Variants in HDAC9 observed in about 807,000 individuals in gnomAD.
HDAC9 encodes the protein MEF-2 interacting transcription repressor (MITR) protein.
HDAC9 carries 41 observed loss-of-function variants against 139.4 expected under a neutral mutation model. The observed-to-expected ratio is 0.29, with a 90% confidence interval of 0.23 to 0.38. HDAC9 has a LOEUF of 0.38. HDAC9 is among the 10% of genes least tolerant of loss of function. The pLI is 1.00. For synonymous variants in HDAC9, 517 were observed against 476.2 expected, an observed-to-expected ratio of 1.09 and a Z score of -1.12; for missense variants, 1,147 against 1,297.0, an observed-to-expected ratio of 0.88 and a Z score of 1.78.
At chr7:18,543,951 T>A (rs1341074793) in intron 2 of HDAC9, among the ~76,000 whole-genome samples, 1 of 151,748 alleles carries the variant, frequency 6.6e-6, no homozygotes, top group Non-Finnish European at 1.5e-5. Context: ...GCAAGAAATG[T>A]GACCAGGAAG....
intron 6 of HDAC9, among the ~76,000 whole-genome samples, chr7:18,622,772 T>C (rs1422881894): frequency 6.6e-6 from 1 of 152,186 alleles, no homozygotes; most frequent in East Asian, 1.9e-4. Flanking sequence ...ATGAAGAACT[T>C]CTACATACCA....
chr7:18,459,944 CTTTT>C (rs773866817), intron 1 of HDAC9, among the ~76,000 whole-genome samples: 1 of 129,354 alleles, frequency 7.7e-6, no homozygotes, highest in Non-Finnish European at 1.7e-5. Flanking sequence ...TACAGATTTG[CTTTT>C]TTTTTTTTTT....
intron 1 of HDAC9, among the ~76,000 whole-genome samples, chr7:18,314,122 G>T (rs2128628173): frequency 6.6e-6 from 1 of 152,272 alleles, no homozygotes; most frequent in African/African-American, 2.4e-5. Flanking sequence ...GCCAAAGTAT[G>T]TTGGACAGTT....
intron 12 of HDAC9, among the ~76,000 whole-genome samples, chr7:18,697,228 A>G (rs1783119080): frequency 6.6e-6 from 1 of 152,218 alleles, no homozygotes; most frequent in South Asian, 2.1e-4. Context: ...TGAGATGCTC[A>G]TCATGACGAG....
intron 2 of HDAC9, among the ~76,000 whole-genome samples, chr7:18,178,192 C>A (rs1347050533): frequency 2.0e-5 from 3 of 152,070 alleles, no homozygotes; most frequent in African/African-American, 7.2e-5. Context: ...CAAGCAATTC[C>A]CTTGCCTCAG....
rs538810914 is a variant in HDAC9 at position 18,999,224 on chromosome 7, A to T, written c.*3162A>T. 1.3e-5 allele frequency: 2 copies of T among 152,294 alleles called. No individual in the cohort carries two copies. The highest frequency in any genetic ancestry group is 6.5e-5 in the Admixed American group (1 of 15,300). 9.4% of individuals were successfully genotyped at this position (152,294 alleles called of 1,614,324 possible). On this transcript the variant is annotated 3_prime_UTR_variant, in exon 26 of 26. Transcript: ENST00000686413. ...TACTCCAGCCCTATACGACACTCTC[A>T]CTAACCTTTCACTGACAACATCATG...
chr7:18,780,360 G>T (rs959645076), intron 16 of HDAC9, among the ~76,000 whole-genome samples: 15 of 152,016 alleles, frequency 9.9e-5, no homozygotes, highest in Non-Finnish European at 1.9e-4. Flanking sequence ...GCTCCCATTA[G>T]CTTGTCACTG....
At chr7:18,565,376 G>C (rs113255127) in intron 2 of HDAC9, among the ~76,000 whole-genome samples, 11 of 152,262 alleles carry the variant, frequency 7.2e-5, no homozygotes, top group African/African-American at 1.9e-4. Flanking sequence ...ATTTTTCAAA[G>C]GGTAGAGAAT....
intron 2 of HDAC9, among the ~76,000 whole-genome samples, chr7:18,174,758 G>A (rs1028016833): frequency 3.9e-5 from 6 of 152,178 alleles, no homozygotes; most frequent in African/African-American, 1.4e-4. Context: ...TCCAGACGCC[G>A]TTTGCCTGGG....
intron 1 of HDAC9, among the ~76,000 whole-genome samples, chr7:18,453,996 T>C (rs1217888487): frequency 2.0e-5 from 3 of 152,140 alleles, no homozygotes; most frequent in Non-Finnish European, 4.4e-5. Context: ...CGGAATTAGA[T>C]TATGCACTGA....
chr7:18,448,760 G>A (rs913700504), intron 1 of HDAC9, among the ~76,000 whole-genome samples: 8 of 152,024 alleles, frequency 5.3e-5, no homozygotes, highest in Admixed American at 4.6e-4. Context: ...TTTTGGAAAG[G>A]ATTCAGGATT....
chr7:18,547,854 T>TCCCTCCCTC (rs1563229923), intron 2 of HDAC9, among the ~76,000 whole-genome samples: 1 of 129,360 alleles, frequency 7.7e-6, no homozygotes, highest in African/African-American at 3.2e-5. Context: ...CTTCCTTCCT[T>TCCCTCCCTC]CCTACCCTCC....
chr7:18,715,916 C>G (rs888924586), intron 12 of HDAC9, among the ~76,000 whole-genome samples: 12 of 152,222 alleles, frequency 7.9e-5, no homozygotes, highest in Admixed American at 3.9e-4. Flanking sequence ...AGTTTTATAT[C>G]CACTAGAATT....
At chr7:18,550,979 C>G (rs951598454) in intron 2 of HDAC9, among the ~76,000 whole-genome samples, 15 of 152,196 alleles carry the variant, frequency 9.9e-5, no homozygotes, top group African/African-American at 3.6e-4. Flanking sequence ...ATTCTATACT[C>G]TTAGCTGTGA....
chr7:18,657,956 C>G (rs1205122685), intron 11 of HDAC9, among the ~76,000 whole-genome samples: 1 of 152,090 alleles, frequency 6.6e-6, no homozygotes, highest in Admixed American at 6.6e-5. Context: ...GGCCCCCTCT[C>G]TTATCTTTGA....
chr7:18,898,400 T>G (rs894734382), intron 22 of HDAC9, among the ~76,000 whole-genome samples: 5 of 151,908 alleles, frequency 3.3e-5, no homozygotes, highest in African/African-American at 1.2e-4. Context: ...TACATAAATA[T>G]TTTAAAAATT....
At chr7:18,694,347 C>T (rs1782884253) in intron 12 of HDAC9, among the ~76,000 whole-genome samples, 3 of 152,120 alleles carry the variant, frequency 2.0e-5, no homozygotes, top group Non-Finnish European at 4.4e-5. Flanking sequence ...TCCCTCTCTC[C>T]TCACAAGATG....
intron 2 of HDAC9, among the ~76,000 whole-genome samples, chr7:18,555,763 G>A (rs1354929222): frequency 1.3e-5 from 2 of 151,852 alleles, no homozygotes; most frequent in East Asian, 1.9e-4. Context: ...ACAAGGAATC[G>A]AAAATAATTT....
intron 22 of HDAC9, among the ~76,000 whole-genome samples, chr7:18,887,680 G>A (rs10261942): frequency 2.0e-5 from 3 of 151,980 alleles, no homozygotes; most frequent in Non-Finnish European, 2.9e-5. Context: ...AATACATTTG[G>A]AATCTTATGT....
Sources: allele counts gnomAD v4.1 joint callset (sites outside exome capture counted in the v4.1 genomes callset), GRCh38; gene constraint gnomAD v4.1.1; transcripts MANE v1.5; gene names NCBI Gene and HGNC (gene_info 2026-07-23, HGNC 2026-07-21).